Variants in ZNF658 observed in about 807,000 individuals in gnomAD.
The protein encoded by ZNF658 is zinc finger protein 658.
In ZNF658, 46 loss-of-function variants were observed where a neutral mutation model predicts 78.0. The ratio of observed to expected loss-of-function variants is 0.59; its 90% CI spans 0.47 to 0.75. ZNF658 has a LOEUF of 0.75. Ranked by LOEUF, ZNF658 falls within the 30% of genes least tolerant of loss-of-function variation. The pLI is 0.00. For missense variants in ZNF658, 785 were observed against 1,189.3 expected (o/e 0.66, Z 5.00); for synonymous variants, 279 against 408.4 (o/e 0.68, Z 3.82).
downstream of ZNF658, among the ~76,000 whole-genome samples, chr9:66,925,537 TGAAA>T (rs2118130094): frequency 6.6e-6 from 1 of 151,878 alleles, no homozygotes; most frequent in Admixed American, 6.6e-5. Context: ...GAGTGCATCA[TGAAA>T]GAAATAGGAA....
rs982362593 is a variant in ZNF658 at position 66,920,811 on chromosome 9, G to T, written c.*65G>T. Reference sequence around the variant, plus strand: ...CTCATGTGACATAGGCTGGGAACTTGTTTCCCTTATCCATTTCCTTTTTCA... The same window carrying T: ...CTCATGTGACATAGGCTGGGAACTTTTTTCCCTTATCCATTTCCTTTTTCA... On this transcript the variant is annotated 3_prime_UTR_variant, in exon 5 of 5. Transcript: ENST00000621410. 1 of 631,360 alleles carries T rather than the reference G, an allele frequency of 1.6e-6. No individual in the cohort carries two copies. Among genetic ancestry groups the T allele is most frequent in the African/African-American group, 1.9e-5 (1 of 53,028 alleles). 39.1% of individuals were successfully genotyped at this position (631,360 alleles called of 1,614,324 possible). A position where few individuals can be genotyped will look rare whatever the true frequency, so the allele number is the denominator to read the frequency against.
intron 6 of ZNF658, among the ~76,000 whole-genome samples, chr9:66,931,846 A>T: frequency 6.7e-6 from 1 of 148,472 alleles, no homozygotes; most frequent in Non-Finnish European, 1.5e-5. Context: ...CTATTGAAGC[A>T]GTCACATTGG....
downstream of ZNF658, among the ~76,000 whole-genome samples, chr9:66,925,385 CA>C (rs1293533580): frequency 5.3e-5 from 8 of 151,890 alleles, no homozygotes. Context: ...AGAAGGAAGA[CA>C]AAAACAGAAA....
chr9:66,903,859 G>A (rs1341089196), intron 2 of ZNF658, among the ~76,000 whole-genome samples: 1 of 151,826 alleles, frequency 6.6e-6, no homozygotes, highest in African/African-American at 2.4e-5. Context: ...TGATGAGAAA[G>A]ATAAAGCCAA....
At position 66,920,070 on chromosome 9, in the gene ZNF658, T is replaced by C. The variant is rs1264311911; in HGVS notation, c.2504T>C (p.Phe835Ser). The change falls in exon 5 of 5, where the codon TTC (phenylalanine) becomes TCC (serine). Residue 835 changes from phenylalanine (F) to serine (S), a missense_variant. Around this residue, in one of 12 missense-constraint regions of ZNF658, gnomAD observed 58 missense variants for 63.0 expected, o/e 0.92. Coordinates refer to ENST00000621410, the MANE Select transcript of ZNF658 (RefSeq NM_033160.7). ...GAATGTAACCAATGTGGGAAAACTT[T>C]CTCCCAAAGAACACACCTCTGTGCA... ...PYECNQCGKTFSQRTHLCAHQ... is the reference protein window; with the variant it reads ...PYECNQCGKTSSQRTHLCAHQ... The C allele has an allele frequency of 1.2e-5, 19 of 1,613,040 alleles. No individual in the cohort carries two copies. Among genetic ancestry groups the C allele is most frequent in the Non-Finnish European group, 1.6e-5 (19 of 1,179,890 alleles).
chr9:66,930,722 A>G (rs1822634120), intron 6 of ZNF658, among the ~76,000 whole-genome samples: 1 of 152,038 alleles, frequency 6.6e-6, no homozygotes, highest in Non-Finnish European at 1.5e-5. Flanking sequence ...ATTTCCAGAA[A>G]GATGGTTGAC....
In ZNF658 at chr9:66,918,205, A is replaced by G. The variant is rs1822386822; in HGVS notation, c.639A>G (p.Glu213=). The G allele has an allele frequency of 1.9e-6, 3 of 1,605,950 alleles. No homozygotes were observed. In the South Asian group the frequency reaches 3.4e-5, roughly 18 times the overall value. ...DQHWKFQTLE[E]SFECDGSGQG... ...ATTGGAAATTTCAAACTTTGGAGGA[A>G]TCTTTTGAATGTGATGGATCTGGAC... The change falls in exon 5 of 5, where the codon GAA becomes GAG. Residue 213 remains glutamate, a synonymous_variant. Coordinates refer to ENST00000621410, the MANE Select transcript of ZNF658 (RefSeq NM_033160.7).
At chr9:66,904,442 C>T (rs1387079559) in intron 2 of ZNF658, among the ~76,000 whole-genome samples, 1 of 151,662 alleles carries the variant, frequency 6.6e-6, no homozygotes, top group South Asian at 2.1e-4. Context: ...CTCGGCTCAG[C>T]CTCAGTTTCT....
In ZNF658 at chr9:66,919,360, TG is replaced by T. The variant is rs1822438148; in HGVS notation, c.1795del (p.Glu599ArgfsTer75). 7 of 1,456,956 alleles carry T rather than the reference TG, an allele frequency of 4.8e-6. No individual in the cohort carries two copies. Among genetic ancestry groups the T allele is most frequent in the African/African-American group, 3.8e-5 (2 of 52,076 alleles). 90.3% of individuals were successfully genotyped at this position (1,456,956 alleles called of 1,614,324 possible). ...GAGCACATCAAAGAATTCACACAGG[TG>T]AGAAGCCCTATGAATGCAGTGACTG... ...LRAHQRIHTG[E>X]KPYECSDCEK... On this transcript the variant is annotated frameshift_variant, in exon 5 of 5. Transcript: ENST00000621410. LOFTEE classifies it high-confidence loss of function.
chr9:66,909,299 GT>G (rs1304875892), intron 4 of ZNF658, among the ~76,000 whole-genome samples: 2 of 151,436 alleles, frequency 1.3e-5, no homozygotes, highest in Non-Finnish European at 2.9e-5. Flanking sequence ...CTACTTCTGT[GT>G]CTATAAATAT....
In ZNF658 at chr9:66,920,397, G is replaced by A. The variant is rs1432393213; in HGVS notation, c.2831G>A (p.Gly944Glu). The A allele has an allele frequency of 1.2e-6, 2 of 1,611,814 alleles. No individual in the cohort carries two copies. The highest frequency in any genetic ancestry group is 1.1e-5 in the South Asian group (1 of 90,966). ...GEKPYECNVC[G>E]KPFAHNSTLR... is the part of the protein sequence containing the mutation. ...AAACCCTACGAATGTAATGTATGTG[G>A]GAAGCCATTTGCCCATAATTCAACC... Residue 944 changes from glycine (G) to glutamate (E), a missense_variant, in exon 5 of 5, where the codon GGG becomes GAG. Around this residue, in one of 12 missense-constraint regions of ZNF658, gnomAD observed 85 missense variants for 108.6 expected, o/e 0.78. Transcript: ENST00000621410.
At position 66,920,403 on chromosome 9, in the gene ZNF658, C is replaced by T. The variant is rs534304351; in HGVS notation, c.2837C>T (p.Pro946Leu). 23 of 1,611,688 alleles carry T rather than the reference C, an allele frequency of 1.4e-5. No individual in the cohort carries two copies. The East Asian group carries it at 4.9e-4, about 34-fold the overall frequency. ...KPYECNVCGK[P>L]FAHNSTLRVH... ...TACGAATGTAATGTATGTGGGAAGC[C>T]ATTTGCCCATAATTCAACCCTCAGA... The change falls in exon 5 of 5, where the codon CCA becomes CTA. Residue 946 changes from proline (P) to leucine (L), a missense_variant. This residue lies in a region of ZNF658 where 85 missense variants were observed against 108.6 expected (regional missense o/e 0.78). Coordinates refer to ENST00000621410, the MANE Select transcript of ZNF658 (RefSeq NM_033160.7).
chr9:66,918,808 T>A lies in ZNF658; in HGVS notation c.1242T>A (p.Tyr414Ter). The A allele has an allele frequency of 7.4e-6, 12 of 1,613,634 alleles. No homozygotes were observed. The highest frequency in any genetic ancestry group is 1.0e-5 in the Non-Finnish European group (12 of 1,179,802). The change falls in exon 5 of 5, where the codon TAT becomes TAA. Residue 414 changes from tyrosine (Y) to a stop codon, truncating the protein, a stop_gained. Transcript: ENST00000621410. LOFTEE classifies it high-confidence loss of function. ...RPHSGEKTYQ[Y>*]EECAKSFCSS... ...ACTCAGGAGAGAAAACTTACCAATA[T>A]GAGGAATGTGCAAAATCCTTTTGTT...
intron 6 of ZNF658, among the ~76,000 whole-genome samples, chr9:66,929,871 C>T (rs1226065686): frequency 7.5e-6 from 1 of 132,938 alleles, no homozygotes; most frequent in South Asian, 2.6e-4. Flanking sequence ...GCAACCTTCG[C>T]CTCCCGGGTT....
At chr9:66,904,382 G>T (rs1822026153) in intron 2 of ZNF658, among the ~76,000 whole-genome samples, 1 of 151,338 alleles carries the variant, frequency 6.6e-6, no homozygotes, top group African/African-American at 2.4e-5. Flanking sequence ...GCCCCTCACT[G>T]GTCCTTCCCC....
intron 6 of ZNF658, among the ~76,000 whole-genome samples, chr9:66,930,288 C>A (rs1822628061): frequency 1.4e-5 from 2 of 141,590 alleles, no homozygotes; most frequent in Non-Finnish European, 3.1e-5. Flanking sequence ...ACAGAGATCT[C>A]TTTTTTCCAA....
rs914636959 is a variant in ZNF658 at position 66,903,401 on chromosome 9, T to A, written c.-44-117T>A. The A allele has an allele frequency of 5.1e-5, 35 of 686,376 alleles. No homozygotes were observed. The African/African-American group carries it at 5.2e-4, about 10-fold the overall frequency. 42.5% of individuals were successfully genotyped at this position (686,376 alleles called of 1,614,324 possible). Reference sequence around the variant, plus strand: ...TACATGCTCCTTGATTACAGTGGGGTTATGTCGCAGTAAAACCATTATCAA... The same window carrying A: ...TACATGCTCCTTGATTACAGTGGGGATATGTCGCAGTAAAACCATTATCAA... On this transcript the variant is annotated intron_variant, in intron 1 of 4. Coordinates refer to ENST00000621410, the MANE Select transcript of ZNF658 (RefSeq NM_033160.7).
At chr9:66,911,297 C>A (rs1412841867) in intron 4 of ZNF658, among the ~76,000 whole-genome samples, 1 of 95,920 alleles carries the variant, frequency 1.0e-5, no homozygotes, top group Non-Finnish European at 2.1e-5. Context: ...TTCTCTGAAC[C>A]TAGTTTGGTA....
At position 66,918,649 on chromosome 9, in the gene ZNF658, C is replaced by T; in HGVS notation, c.1083C>T (p.Ala361=). The T allele has an allele frequency of 1.9e-6, 3 of 1,613,490 alleles. No homozygotes were observed. The highest frequency in any genetic ancestry group is 1.3e-5 in the African/African-American group (1 of 74,910). Residue 361 remains alanine, a synonymous_variant, in exon 5 of 5, where the codon GCC becomes GCT. Transcript: ENST00000621410. The stretch of plus-strand genomic sequence containing the variant: ...GTGAACATAATGAATGTACAGATGC[C>T]CTCTACCAGAAATTAGACTTTACAG... ...KFGEHNECTD[A]LYQKLDFTAH...
Sources: allele counts gnomAD v4.1 joint callset (sites outside exome capture counted in the v4.1 genomes callset), GRCh38; gene constraint gnomAD v4.1.1; regional missense constraint gnomAD v4.1.1; transcripts MANE v1.5; gene names NCBI Gene and HGNC (gene_info 2026-07-23, HGNC 2026-07-21).